OSBPL2: variants seen among roughly 807,000 people sequenced by gnomAD.
OSBPL2 encodes the protein oxysterol binding protein like 2, also known as oxysterol-binding protein-related protein 2.
OSBPL2 carries 18 observed loss-of-function variants against 58.4 expected under a neutral mutation model. The ratio of observed to expected loss-of-function variants is 0.31; its 90% CI spans 0.21 to 0.46. The LOEUF is 0.46. Ranked by LOEUF, OSBPL2 falls within the 20% of genes least tolerant of loss-of-function variation. OSBPL2 has a pLI of 1.00. For missense variants in OSBPL2, 461 were observed against 616.5 expected (o/e 0.75, Z 2.67); for synonymous variants, 221 against 234.1 (o/e 0.94, Z 0.51).
chr20:62,249,993 G>A (rs1980413857), intron 1 of OSBPL2, among the ~76,000 whole-genome samples: 1 of 152,212 alleles, frequency 6.6e-6, no homozygotes, highest in South Asian at 2.1e-4. Context: ...AGCACACCCT[G>A]GTCCTCCTGT....
chr20:62,289,253 C>T lies in OSBPL2; in HGVS notation c.1172C>T (p.Thr391Ile), dbSNP rs777649147. Residue 391 changes from threonine to isoleucine, a missense_variant, in exon 12 of 14, where the codon ACA (threonine) becomes ATA (isoleucine). Thr to Ile is a moderately conservative substitution (Grantham distance 89). This residue lies in a region of OSBPL2 where 319 missense variants were observed against 419.2 expected (regional missense o/e 0.76). Transcript: ENST00000313733. The part of the protein sequence containing the change: ...SFTVSLNELE[T>I]GMEKTLPPTD... ...ACTGTGAGCCTCAACGAGCTGGAGA[C>T]AGGCATGGAGAAGACCCTGCCACCC... 6.2e-7 allele frequency: 1 copy of T among 1,613,856 alleles called. No homozygotes were observed. The highest frequency in any genetic ancestry group is 2.2e-5 in the East Asian group (1 of 44,890).
intron 1 of OSBPL2, among the ~76,000 whole-genome samples, chr20:62,248,806 T>G (rs1243398735): frequency 6.6e-6 from 1 of 152,136 alleles, no homozygotes; most frequent in Non-Finnish European, 1.5e-5. Flanking sequence ...TCCTTCTGCC[T>G]TAGTCTCCTA....
intron 2 of OSBPL2, among the ~76,000 whole-genome samples, chr20:62,257,129 G>A (rs1980976352): frequency 6.6e-6 from 1 of 152,228 alleles, no homozygotes; most frequent in Admixed American, 6.5e-5. Context: ...GATCTGTCAG[G>A]GTCTCTATGG....
At chr20:62,254,760 CTT>C (rs113473436) in intron 1 of OSBPL2, among the ~76,000 whole-genome samples, 2,936 of 152,354 alleles carry the variant, frequency 0.019, 93 homozygotes, top group African/African-American at 0.066. Flanking sequence ...GCTTCCTTCT[CTT>C]GTCGTTCATC....
chr20:62,247,179 A>T (rs1051137703), intron 1 of OSBPL2, among the ~76,000 whole-genome samples: 2 of 152,218 alleles, frequency 1.3e-5, no homozygotes, highest in African/African-American at 4.8e-5. Flanking sequence ...TCAGTGCACG[A>T]TGCTGCACCG....
At chr20:62,243,834 GT>G (rs1270923607) in intron 1 of OSBPL2, among the ~76,000 whole-genome samples, 1 of 131,314 alleles carries the variant, frequency 7.6e-6, no homozygotes, top group Non-Finnish European at 1.6e-5. Flanking sequence ...TTTTTTTCCT[GT>G]TTTTTTAAAT....
intron 5 of OSBPL2, 130 bp downstream of exon 5, chr20:62,272,389 C>A: frequency 1.0e-6 from 1 of 1,000,468 alleles, no homozygotes; most frequent in Non-Finnish European, 1.4e-6. Context: ...CAGTGCCATC[C>A]TGCCTGGCGG....
At chr20:62,242,188 G>A (rs1363840100) in intron 1 of OSBPL2, 1 of 152,198 alleles carries the variant, frequency 6.6e-6, no homozygotes, top group Non-Finnish European at 1.5e-5. Context: ...GCTGGTTTGG[G>A]CTAGGGTCCC....
At chr20:62,292,928 C>T (rs1163670952) in intron 13 of OSBPL2, among the ~76,000 whole-genome samples, 3 of 149,630 alleles carry the variant, frequency 2.0e-5, no homozygotes, top group South Asian at 2.1e-4. Context: ...AGTGCAGTGG[C>T]GTGATCTCGG....
At chr20:62,282,253 C>T (rs1305834262) in intron 9 of OSBPL2, among the ~76,000 whole-genome samples, 3 of 152,064 alleles carry the variant, frequency 2.0e-5, no homozygotes, top group Non-Finnish European at 4.4e-5. Context: ...ACCCCATGCA[C>T]GTTGTCAGGC....
At chr20:62,280,109 A>T (rs892004606) in intron 7 of OSBPL2, 28 of 1,303,592 alleles carry the variant, frequency 2.1e-5, no homozygotes, top group Non-Finnish European at 2.6e-5. Flanking sequence ...CTCCTGGGCC[A>T]CCAGTTCTGA....
At position 62,290,423 on chromosome 20, in the gene OSBPL2, T is replaced by TTG. The variant is rs1555854411; in HGVS notation, c.1249+1094_1249+1095insGT. 1.3e-3 allele frequency among the ~76,000 whole-genome samples: 185 copies of TTG among 138,506 alleles called. 2 individuals carry two copies. The highest frequency in any genetic ancestry group is 4.0e-3 in the African/African-American group (148 of 37,224). 90.9% of individuals were successfully genotyped at this position (138,506 alleles called of 152,430 possible). A position where few individuals can be genotyped will look rare whatever the true frequency, so the allele number is the denominator to read the frequency against. On this transcript the variant is annotated intron_variant, in intron 12 of 13. Coordinates refer to ENST00000313733, the MANE Select transcript of OSBPL2 (RefSeq NM_144498.4). ...GCTAATTTTTTGGGTTTTTTTTTTT[T>TTG]TTTTTTTTTTTGAGACGGAGTCTCA...
At position 62,281,101 on chromosome 20, in the gene OSBPL2, C is replaced by A; in HGVS notation, c.718C>A (p.His240Asn). The change falls in exon 8 of 14, where the codon CAC becomes AAC. Residue 240 changes from histidine to asparagine, a missense_variant. Coordinates refer to ENST00000313733, the MANE Select transcript of OSBPL2 (RefSeq NM_144498.4). ...CTGGACCAACCCCACCTGCTGCGTC[C>A]ACAACGTCATCATCGGGAAGCTGTG... ...YTWTNPTCCVHNVIIGKLWIE... is the reference protein window; with the variant it reads ...YTWTNPTCCVNNVIIGKLWIE... 6.2e-7 allele frequency: 1 copy of A among 1,614,204 alleles called. No individual in the cohort carries two copies. Among genetic ancestry groups the A allele is most frequent in the African/African-American group, 1.3e-5 (1 of 75,062 alleles).
intron 1 of OSBPL2, among the ~76,000 whole-genome samples, chr20:62,243,229 G>A (rs908407778): frequency 1.3e-5 from 2 of 152,350 alleles, no homozygotes; most frequent in African/African-American, 2.4e-5. Flanking sequence ...GAGCTCCTGC[G>A]AGTGCCCTGG....
At chr20:62,286,989 G>A (rs549995414) in intron 11 of OSBPL2, among the ~76,000 whole-genome samples, 2 of 152,350 alleles carry the variant, frequency 1.3e-5, no homozygotes, top group South Asian at 2.1e-4. Context: ...CGCATGCTCA[G>A]CTGCGTGTCA....
At chr20:62,271,885 G>T (rs1022876749) in intron 4 of OSBPL2, among the ~76,000 whole-genome samples, 13 of 152,268 alleles carry the variant, frequency 8.5e-5, no homozygotes, top group East Asian at 5.8e-4. Flanking sequence ...GAGGATTCAG[G>T]GGTGTCATGC....
chr20:62,278,588 TGTC>T (rs1982562850), intron 6 of OSBPL2: 1 of 145,190 alleles, frequency 6.9e-6, no homozygotes, highest in African/African-American at 3.5e-5. Context: ...CCGAGTGCGA[TGTC>T]ATGTTTGTGT....
At position 62,249,500 on chromosome 20, in the gene OSBPL2, T is replaced by C. The variant is rs182224659; in HGVS notation, c.-128-6557T>C. ...ATGCTTTTTCTTAAACATTTAACTT[T>C]CTGTATATTCCTCAACTTTGATACT... On this transcript the variant is annotated intron_variant, in intron 1 of 13. Coordinates refer to ENST00000313733, the MANE Select transcript of OSBPL2 (RefSeq NM_144498.4). Among the ~76,000 whole-genome samples the C allele has an allele frequency of 3.6e-4, 55 of 152,358 alleles. 1 individual carries two copies. Among genetic ancestry groups the C allele is most frequent in the Middle Eastern group, 3.4e-3 (1 of 294 alleles).
intron 13 of OSBPL2, 57 bp downstream of exon 13, chr20:62,291,850 G>T: frequency 6.6e-7 from 1 of 1,520,926 alleles, no homozygotes. Flanking sequence ...ACACACACCT[G>T]GGGACGGCGG....
Sources: gnomAD v4.1 joint callset for allele counts (sites outside exome capture counted in the v4.1 genomes callset) on GRCh38, gnomAD v4.1.1 for gene constraint, gnomAD v4.1.1 regional missense constraint, MANE v1.5 for transcripts, NCBI Gene and HGNC (gene_info 2026-07-23, HGNC 2026-07-21) for gene names.